Variants in ADGRL2 observed in about 807,000 individuals in gnomAD.
The protein encoded by ADGRL2 is calcium-independent alpha-latrotoxin receptor 2.
A neutral mutation model predicts 157.4 loss-of-function variants in ADGRL2; 44 were observed. The observed-to-expected ratio is 0.28, with a 90% CI of 0.22 to 0.36. The LOEUF (loss-of-function observed/expected upper bound fraction) is 0.36. Ranked by LOEUF, ADGRL2 falls within the 10% of genes least tolerant of loss-of-function variation. The pLI is 1.00. For missense variants in ADGRL2, 1,510 were observed against 1,768.9 expected (o/e 0.85, Z 2.63); for synonymous variants, 585 against 624.7 (o/e 0.94, Z 0.95).
chr1:81,546,380 G>A (rs927816806), intron 2 of ADGRL2, among the ~76,000 whole-genome samples: 4 of 152,058 alleles, frequency 2.6e-5, no homozygotes, highest in Admixed American at 6.5e-5. Context: ...CTTGGGTAAA[G>A]GTTTCTCAAT....
intron 2 of ADGRL2, among the ~76,000 whole-genome samples, chr1:81,770,507 C>T (rs183617353): frequency 6.9e-4 from 102 of 147,122 alleles, no homozygotes; most frequent in South Asian, 1.3e-3. Flanking sequence ...GAGTTTTGCT[C>T]TTGTTGCCCA....
chr1:81,863,444 A>C (rs1471568430), intron 2 of ADGRL2, among the ~76,000 whole-genome samples: 2 of 152,102 alleles, frequency 1.3e-5, no homozygotes, highest in African/African-American at 4.8e-5. Flanking sequence ...AAACAGAAAA[A>C]AACTCTCTAA....
chr1:81,972,716 G>C (rs1304383166), intron 17 of ADGRL2, among the ~76,000 whole-genome samples: 1 of 151,622 alleles, frequency 6.6e-6, no homozygotes, highest in Non-Finnish European at 1.5e-5. Context: ...TTAGAGGCTA[G>C]CCTGGACTTC....
At chr1:81,937,340 T>C (rs1220630329) in intron 4 of ADGRL2, among the ~76,000 whole-genome samples, 1 of 151,860 alleles carries the variant, frequency 6.6e-6, no homozygotes, top group Non-Finnish European at 1.5e-5. Context: ...GATTCAGTGA[T>C]GAAACCTTAA....
At chr1:81,659,150 C>T (rs375831357) in intron 3 of ADGRL2, among the ~76,000 whole-genome samples, 6 of 151,156 alleles carry the variant, frequency 4.0e-5, no homozygotes, top group Admixed American at 4.0e-4. Context: ...CAACCTCCCC[C>T]TCCTGGGTTC....
At chr1:81,421,288 T>C (rs1048974196) in intron 1 of ADGRL2, among the ~76,000 whole-genome samples, 1 of 152,224 alleles carries the variant, frequency 6.6e-6, no homozygotes, top group Non-Finnish European at 1.5e-5. Context: ...GATCCTCATC[T>C]TACTTATGGA....
intron 2 of ADGRL2, among the ~76,000 whole-genome samples, chr1:81,466,652 T>C (rs1375970635): frequency 7.2e-6 from 1 of 139,406 alleles, no homozygotes; most frequent in Non-Finnish European, 1.5e-5. Flanking sequence ...TGTAATGACA[T>C]ATAACATCTC....
At chr1:81,582,820 A>T (rs1437569600) in intron 3 of ADGRL2, among the ~76,000 whole-genome samples, 1 of 152,162 alleles carries the variant, frequency 6.6e-6, no homozygotes, top group Non-Finnish European at 1.5e-5. Context: ...TTTCAAAGAC[A>T]CATTGCCTCG....
intron 2 of ADGRL2, among the ~76,000 whole-genome samples, chr1:81,871,922 G>T (rs1336586762): frequency 6.6e-6 from 1 of 152,100 alleles, no homozygotes; most frequent in African/African-American, 2.4e-5. Flanking sequence ...CAGTGCAGAA[G>T]CTCTTTAGTT....
intron 3 of ADGRL2, among the ~76,000 whole-genome samples, chr1:81,910,649 T>G (rs1158303538): frequency 1.3e-5 from 2 of 151,562 alleles, no homozygotes; most frequent in African/African-American, 4.8e-5. Context: ...GTTTTAATTG[T>G]GGTACTCCGG....
intron 3 of ADGRL2, among the ~76,000 whole-genome samples, chr1:81,626,329 G>A (rs1216198043): frequency 2.6e-5 from 4 of 152,024 alleles, no homozygotes; most frequent in African/African-American, 7.2e-5. Context: ...TTTTGAGACA[G>A]TGTCTCACTC....
At chr1:81,967,002 A>G (rs1657254662) in intron 13 of ADGRL2, among the ~76,000 whole-genome samples, 1 of 152,138 alleles carries the variant, frequency 6.6e-6, no homozygotes, top group African/African-American at 2.4e-5. Context: ...TCATTAGTTT[A>G]CTGATCACGT....
intron 1 of ADGRL2, among the ~76,000 whole-genome samples, chr1:81,403,229 T>TG (rs2101294406): frequency 6.5e-5 from 1 of 15,486 alleles, no homozygotes; most frequent in South Asian, 6.8e-3. Context: ...CTTTTCCTTG[T>TG]TTTTTTTTTG....
chr1:81,949,316 G>GC (rs1475577222), intron 6 of ADGRL2, among the ~76,000 whole-genome samples: 1 of 152,156 alleles, frequency 6.6e-6, no homozygotes, highest in Non-Finnish European at 1.5e-5. Flanking sequence ...GAAACATTGA[G>GC]CTCCACTATT....
At chr1:81,669,298 C>T (rs957932846) in intron 3 of ADGRL2, among the ~76,000 whole-genome samples, 3 of 152,060 alleles carry the variant, frequency 2.0e-5, no homozygotes, top group Non-Finnish European at 4.4e-5. Flanking sequence ...ACTATAGTCC[C>T]AGATACTGAG....
chr1:81,333,029 T>A (rs140664924), intron 1 of ADGRL2, among the ~76,000 whole-genome samples: 8 of 152,276 alleles, frequency 5.3e-5, no homozygotes, highest in Admixed American at 3.3e-4. Flanking sequence ...TGTACCACCA[T>A]CTGGTCGTAT....
intron 4 of ADGRL2, among the ~76,000 whole-genome samples, chr1:81,939,092 T>A (rs908640667): frequency 6.6e-6 from 1 of 151,588 alleles, no homozygotes; most frequent in Non-Finnish European, 1.5e-5. Context: ...ATATTCCAAT[T>A]AAGTCCTATT....
At chr1:81,323,645 C>A (rs1660690223) in intron 1 of ADGRL2, among the ~76,000 whole-genome samples, 1 of 151,576 alleles carries the variant, frequency 6.6e-6, no homozygotes, top group Non-Finnish European at 1.5e-5. Context: ...CCTTTGATAA[C>A]AAATAGTGAT....
intron 2 of ADGRL2, among the ~76,000 whole-genome samples, chr1:81,782,188 T>C (rs2086842054): frequency 6.6e-6 from 1 of 152,024 alleles, no homozygotes; most frequent in Non-Finnish European, 1.5e-5. Flanking sequence ...ATGCCAGCCT[T>C]AAAATAAAGT....
Sources: gnomAD v4.1 joint callset for allele counts (sites outside exome capture counted in the v4.1 genomes callset) on GRCh38, gnomAD v4.1.1 for gene constraint, MANE v1.5 for transcripts, NCBI Gene and HGNC (gene_info 2026-07-23, HGNC 2026-07-21) for gene names.